Variants in ZBTB20 observed in about 807,000 individuals in gnomAD.
ZBTB20 encodes the protein zinc finger and BTB domain containing 20.
ZBTB20 carries 9 observed loss-of-function variants against 56.9 expected under a neutral mutation model. The observed-to-expected ratio is 0.16, with a 90% CI of 0.10 to 0.28. The LOEUF is 0.28. Among genes scored for constraint, ZBTB20 ranks in the 10% least tolerant of loss-of-function variants. The pLI, the probability that ZBTB20 is intolerant of heterozygous loss-of-function variation, is 1.00. For synonymous variants in ZBTB20, 417 were observed against 420.7 expected, an observed-to-expected ratio of 0.99 and a Z score of 0.11; for missense variants, 655 against 1,003.0, an observed-to-expected ratio of 0.65 and a Z score of 4.69.
At chr3:114,790,673 C>A (rs1646066565) in intron 5 of ZBTB20, among the ~76,000 whole-genome samples, 1 of 151,430 alleles carries the variant, frequency 6.6e-6, no homozygotes, top group African/African-American at 2.4e-5. Flanking sequence ...GAAGACCTAT[C>A]TGGTACCAGC....
intron 7 of ZBTB20, among the ~76,000 whole-genome samples, chr3:114,469,371 G>A (rs1055464718): frequency 6.6e-6 from 1 of 151,956 alleles, no homozygotes; most frequent in Non-Finnish European, 1.5e-5. Flanking sequence ...AATAGAAGAG[G>A]GGTCTAAAAT....
intron 6 of ZBTB20, among the ~76,000 whole-genome samples, chr3:114,641,672 T>G (rs1043065523): frequency 1.3e-5 from 2 of 151,880 alleles, no homozygotes; most frequent in Admixed American, 1.3e-4. Flanking sequence ...TAGATCTCTA[T>G]AGACATGTTC....
At chr3:114,746,446 AT>A (rs1158575530) in intron 5 of ZBTB20, among the ~76,000 whole-genome samples, 32 of 151,474 alleles carry the variant, frequency 2.1e-4, no homozygotes, top group East Asian at 1.5e-3. Flanking sequence ...AATTTGGCTG[AT>A]TTTTTTCCCA....
intron 7 of ZBTB20, among the ~76,000 whole-genome samples, chr3:114,497,102 C>T (rs1444462629): frequency 6.6e-6 from 1 of 152,174 alleles, no homozygotes; most frequent in African/African-American, 2.4e-5. Context: ...ATGCAATAGG[C>T]CAAGATATGC....
intron 10 of ZBTB20, among the ~76,000 whole-genome samples, chr3:114,354,572 T>G (rs535513905): frequency 1.4e-4 from 17 of 117,286 alleles, no homozygotes; most frequent in African/African-American, 5.2e-4. Flanking sequence ...GGTTTTTTTT[T>G]GTTTTGTTTT....
rs1016203602 is a variant in ZBTB20, at chr3:114,747,335, G to A, written c.-342-53760C>T. 3.3e-5 allele frequency among the ~76,000 whole-genome samples: 5 copies of A among 152,296 alleles called. No homozygotes were observed. In the East Asian group the frequency reaches 9.7e-4, roughly 29 times the overall value. On this transcript the variant is annotated intron_variant, in intron 5 of 11. Coordinates refer to ENST00000675478, the MANE Select transcript of ZBTB20 (RefSeq NM_001348800.3). ...AGTCCCAGCACTTTGAGAGGCTGAG[G>A]CAGGCAGATCACCTAAGGTCAGGAG...
intron 4 of ZBTB20, among the ~76,000 whole-genome samples, chr3:114,814,005 T>C (rs2072750097): frequency 6.6e-6 from 1 of 151,950 alleles, no homozygotes; most frequent in South Asian, 2.1e-4. Context: ...AAAGTTAATA[T>C]TTATCTTGAT....
intron 5 of ZBTB20, among the ~76,000 whole-genome samples, chr3:114,701,172 C>G (rs1578414609): frequency 6.6e-6 from 1 of 152,132 alleles, no homozygotes; most frequent in Admixed American, 6.5e-5. Context: ...CTCCATTCCA[C>G]TGTATTGATG....
chr3:115,018,630 G>A (rs2080077536), intron 2 of ZBTB20, among the ~76,000 whole-genome samples: 1 of 151,176 alleles, frequency 6.6e-6, no homozygotes, highest in Admixed American at 6.6e-5. Context: ...TTGTGAAAGT[G>A]GAACAACACT....
chr3:114,620,500 C>G (rs972457128), intron 6 of ZBTB20, among the ~76,000 whole-genome samples: 2 of 152,146 alleles, frequency 1.3e-5, no homozygotes, highest in South Asian at 4.1e-4. Flanking sequence ...TCATGTTTAT[C>G]AGGCTGGTCT....
intron 6 of ZBTB20, among the ~76,000 whole-genome samples, chr3:114,565,990 T>C (rs915300183): frequency 1.3e-4 from 19 of 151,234 alleles, no homozygotes; most frequent in African/African-American, 4.6e-4. Flanking sequence ...TTACCAACAA[T>C]ACATACATTT....
chr3:114,756,940 T>TACC (rs750500109), intron 5 of ZBTB20, among the ~76,000 whole-genome samples: 16 of 152,160 alleles, frequency 1.1e-4, no homozygotes, highest in Admixed American at 3.3e-4. Context: ...AGGAATACAG[T>TACC]ACCACCTGGG....
intron 5 of ZBTB20, among the ~76,000 whole-genome samples, chr3:114,746,345 C>T (rs1282421028): frequency 1.3e-5 from 2 of 151,938 alleles, no homozygotes; most frequent in Admixed American, 6.6e-5. Context: ...TCCCCTTTTT[C>T]TACTGTAGTG....
At chr3:114,844,438 T>C (rs972324972) in intron 4 of ZBTB20, among the ~76,000 whole-genome samples, 2 of 119,006 alleles carry the variant, frequency 1.7e-5, no homozygotes, top group Admixed American at 1.1e-4. Context: ...GGAGGATCAC[T>C]TGAGCCCAGG....
chr3:114,824,534 C>T (rs897359073), intron 4 of ZBTB20, among the ~76,000 whole-genome samples: 1 of 152,010 alleles, frequency 6.6e-6, no homozygotes, highest in Middle Eastern at 3.4e-3. Flanking sequence ...TTGGTGACAA[C>T]TTGTTGGCAG....
intron 6 of ZBTB20, among the ~76,000 whole-genome samples, chr3:114,660,105 G>A (rs577136940): frequency 1.3e-5 from 2 of 152,064 alleles, no homozygotes; most frequent in Non-Finnish European, 2.9e-5. Context: ...ACTTGTGCTT[G>A]TTTAAGAAAA....
intron 2 of ZBTB20, among the ~76,000 whole-genome samples, chr3:115,053,529 T>C (rs1044110255): frequency 6.6e-6 from 1 of 152,188 alleles, no homozygotes; most frequent in Non-Finnish European, 1.5e-5. Context: ...AGTGGAATAG[T>C]GAGAGTACTT....
intron 6 of ZBTB20, among the ~76,000 whole-genome samples, chr3:114,553,586 C>T (rs1256467013): frequency 6.6e-6 from 1 of 152,146 alleles, no homozygotes; most frequent in Non-Finnish European, 1.5e-5. Context: ...AAATGAACAT[C>T]ATAAATTTAC....
At chr3:114,958,800 G>A (rs1003076876) in intron 3 of ZBTB20, among the ~76,000 whole-genome samples, 2 of 151,058 alleles carry the variant, frequency 1.3e-5, no homozygotes, top group Non-Finnish European at 2.9e-5. Context: ...GCCATGAGCC[G>A]AGATTGCACC....
Sources: gnomAD v4.1 joint callset for allele counts (sites outside exome capture counted in the v4.1 genomes callset) on GRCh38, gnomAD v4.1.1 for gene constraint, MANE v1.5 for transcripts, NCBI Gene and HGNC (gene_info 2026-07-23, HGNC 2026-07-21) for gene names.